MYCBP2: variants seen among roughly 807,000 people sequenced by gnomAD.
The protein encoded by MYCBP2 is E3 ubiquitin-protein ligase MYCBP2.
A neutral mutation model predicts 525.3 loss-of-function variants in MYCBP2; 120 were observed. The ratio of observed to expected loss-of-function variants is 0.23; its 90% CI spans 0.20 to 0.27. MYCBP2 has a LOEUF of 0.27. Ranked by LOEUF, MYCBP2 falls within the 10% of genes least tolerant of loss-of-function variation. The pLI is 1.00. For missense variants in MYCBP2, 4,149 were observed against 5,657.1 expected (o/e 0.73, Z 8.55); for synonymous variants, 1,894 against 1,955.8 (o/e 0.97, Z 0.83).
chr13:77,277,323 A>C (rs1193211373), intron 4 of MYCBP2, among the ~76,000 whole-genome samples: 1 of 152,222 alleles, frequency 6.6e-6, no homozygotes, highest in Non-Finnish European at 1.5e-5. Context: ...TAATATGATC[A>C]CTGGTGCTAT....
intron 52 of MYCBP2, among the ~76,000 whole-genome samples, chr13:77,136,923 T>C (rs527794046): frequency 7.4e-4 from 113 of 152,330 alleles, no homozygotes; most frequent in African/African-American, 2.5e-3. Context: ...ATATCTTTAA[T>C]TTCTCCCTTT....
At chr13:77,185,810 A>C in intron 31 of MYCBP2, 61 bp downstream of exon 31, 2 of 1,248,426 alleles carry the variant, frequency 1.6e-6, no homozygotes, top group Non-Finnish European at 2.2e-6. Flanking sequence ...ATCTCAAAGT[A>C]AATCTTCTCA....
Position 77,171,482 on chromosome 13 carries a change from A to T in MYCBP2, c.5794+10T>A, listed in dbSNP as rs754120634. 3 of 1,605,066 alleles carry T rather than the reference A, an allele frequency of 1.9e-6. No individual in the cohort carries two copies. In the Admixed American group the frequency reaches 5.2e-5, roughly 28 times the overall value. On this transcript the variant is annotated intron_variant, in intron 38 of 82. Transcript: ENST00000544440. ...CTAAAATATGACTACTGAGAAAGAAAAAATATTACCATCCACAGCAAGAGC... is the reference window on the plus strand; with the variant it reads ...CTAAAATATGACTACTGAGAAAGAATAAATATTACCATCCACAGCAAGAGC...
intron 55 of MYCBP2, among the ~76,000 whole-genome samples, chr13:77,101,914 T>A (rs1168275248): frequency 6.6e-6 from 1 of 152,004 alleles, no homozygotes; most frequent in Non-Finnish European, 1.5e-5. Flanking sequence ...ATAAACAGTT[T>A]GCTAAAAATC....
chr13:77,142,042 C>G (rs536460011), intron 49 of MYCBP2, among the ~76,000 whole-genome samples: 8 of 152,032 alleles, frequency 5.3e-5, no homozygotes, highest in Non-Finnish European at 1.0e-4. Flanking sequence ...TTTTTCTTAT[C>G]TAATTTGTAT....
intron 80 of MYCBP2, 123 bp from the exon 81 acceptor site, chr13:77,052,041 A>G: frequency 1.4e-6 from 1 of 691,006 alleles, no homozygotes; most frequent in South Asian, 2.0e-5. Context: ...CTACTAGACC[A>G]TCCCTTGAAA....
Position 77,168,659 on chromosome 13 carries a change from T to C in MYCBP2, c.5896-13A>G, listed in dbSNP as rs1455698159. The C allele has an allele frequency of 3.7e-6, 6 of 1,611,808 alleles. No homozygotes were observed. The highest frequency in any genetic ancestry group is 2.7e-5 in the African/African-American group (2 of 74,860). On this transcript the variant is annotated splice_polypyrimidine_tract_variant and intron_variant, in intron 39 of 82. Coordinates refer to ENST00000544440, the MANE Select transcript of MYCBP2 (RefSeq NM_015057.5). ...CTTCTACAGCCACCTAGTACACATA[T>C]AAAAATATGGTTAAATGAGATACAC...
chr13:77,185,713 C>G (rs1044702129), intron 31 of MYCBP2, among the ~76,000 whole-genome samples, 158 bp downstream of exon 31: 1 of 152,110 alleles, frequency 6.6e-6, no homozygotes, highest in African/African-American at 2.4e-5. Flanking sequence ...TCTTTATAAG[C>G]AAATACATAA....
chr13:77,118,436 A>G (rs770451238), intron 55 of MYCBP2: 3 of 764,708 alleles, frequency 3.9e-6, no homozygotes, highest in Non-Finnish European at 7.2e-6. Flanking sequence ...TCAAAGATGG[A>G]AGGAGCTGGG....
At chr13:77,148,083 T>C (rs947640154) in intron 47 of MYCBP2, among the ~76,000 whole-genome samples, 10 of 151,694 alleles carry the variant, frequency 6.6e-5, no homozygotes, top group African/African-American at 2.2e-4. Flanking sequence ...CTAAATTCCT[T>C]AAGCAAGTGT....
At position 77,326,359 on chromosome 13, in the gene MYCBP2, C is replaced by G. The variant is rs568750274; in HGVS notation, c.302+115G>C. ...ACAGACATCCAGAGCGGACTGAAAG[C>G]TCAATAAATGCGCAGGTACACACAC... On this transcript the variant is annotated intron_variant, in intron 1 of 82. Transcript: ENST00000544440. The surrounding 1 kb of genome is among the most constrained non-coding windows in gnomAD (Gnocchi z 4.2). 2 of 1,065,904 alleles carry G rather than the reference C, an allele frequency of 1.9e-6. No individual in the cohort carries two copies. Among genetic ancestry groups the G allele is most frequent in the African/African-American group, 3.3e-5 (2 of 59,788 alleles). 66.0% of individuals were successfully genotyped at this position (1,065,904 alleles called of 1,614,324 possible). A position where few individuals can be genotyped will look rare whatever the true frequency, so the allele number is the denominator to read the frequency against.
At chr13:77,279,218 T>C (rs557467205) in intron 3 of MYCBP2, among the ~76,000 whole-genome samples, 1 of 152,300 alleles carries the variant, frequency 6.6e-6, no homozygotes, top group African/African-American at 2.4e-5. Context: ...ACACAGCACA[T>C]ATAGTAAAAA....
intron 79 of MYCBP2, 132 bp from the exon 80 acceptor site, chr13:77,055,899 C>G (rs1353398803): frequency 6.1e-6 from 4 of 659,848 alleles, no homozygotes; most frequent in African/African-American, 1.8e-5. Flanking sequence ...AATAAAATGT[C>G]ATTTGAAAAA....
intron 18 of MYCBP2, among the ~76,000 whole-genome samples, chr13:77,232,534 C>A (rs1235620108): frequency 6.6e-6 from 1 of 152,162 alleles, no homozygotes; most frequent in Non-Finnish European, 1.5e-5. Context: ...AAGGACAACA[C>A]CGAGCTAGAT....
intron 82 of MYCBP2, 117 bp from the exon 83 acceptor site, chr13:77,045,610 T>C (rs1019381698): frequency 5.9e-6 from 4 of 673,840 alleles, no homozygotes; most frequent in Admixed American, 6.2e-5. Context: ...ACTATGGTTA[T>C]ACAAATATAA....
rs752821319 is a variant in MYCBP2, at chr13:77,097,959, A to G, written c.9195T>C (p.His3065=). 6.2e-7 allele frequency: 1 copy of G among 1,613,596 alleles called. No homozygotes were observed. Among genetic ancestry groups the G allele is most frequent in the Non-Finnish European group, 8.5e-7 (1 of 1,179,784 alleles). ...LKFHPELSKE[H]APIRSSLNSQ... is the part of the protein sequence containing the mutation. ...TATTTAAACTACTCCTTATAGGAGC[A>G]TGTTCTTTGGAAAGTTCAGGATGAA... The change falls in exon 56 of 83, where the codon CAT becomes CAC. Residue 3065 remains histidine, a synonymous_variant. Coordinates refer to ENST00000544440, the MANE Select transcript of MYCBP2 (RefSeq NM_015057.5).
chr13:77,215,237 G>A (rs1476436855), intron 21 of MYCBP2, among the ~76,000 whole-genome samples: 1 of 151,994 alleles, frequency 6.6e-6, no homozygotes, highest in African/African-American at 2.4e-5. Context: ...AAACAAATGA[G>A]CCCCACTCTA....
At chr13:77,219,481 A>G (rs1473677554) in intron 20 of MYCBP2, among the ~76,000 whole-genome samples, 2 of 151,918 alleles carry the variant, frequency 1.3e-5, no homozygotes, top group Non-Finnish European at 2.9e-5. Flanking sequence ...TAATGATAAG[A>G]GATTTGAGGA....
chr13:77,185,256 A>G lies in MYCBP2; in HGVS notation c.4566T>C (p.Asn1522=), dbSNP rs61753810. Residue 1522 remains asparagine, a synonymous_variant, in exon 32 of 83, where the codon AAT becomes AAC. Transcript: ENST00000544440. ...GVDHCMVKLD[N]DPQGYLSQPL... ...GTTGACTGAGATATCCTTGAGGATC[A>G]TTATCCAATTTCACCATGCAGTGAT... 202 of 1,613,984 alleles carry G rather than the reference A, an allele frequency of 1.3e-4. 2 individuals are homozygous for G. The highest frequency in any genetic ancestry group is 6.6e-4 in the Middle Eastern group (4 of 6,082).
Sources: allele counts gnomAD v4.1 joint callset (sites outside exome capture counted in the v4.1 genomes callset), GRCh38; gene constraint gnomAD v4.1.1; non-coding constraint Gnocchi (gnomAD v3.1); transcripts MANE v1.5; gene names NCBI Gene and HGNC (gene_info 2026-07-23, HGNC 2026-07-21).